Variants in NKAIN2 observed in about 807,000 individuals in gnomAD.
The protein encoded by NKAIN2 is sodium/potassium transporting ATPase interacting 2, also known as sodium/potassium-transporting ATPase subunit beta-1-interacting protein 2.
In NKAIN2, 14 loss-of-function variants were observed where a neutral mutation model predicts 32.6. The observed-to-expected ratio is 0.43, with a 90% confidence interval of 0.28 to 0.67. The LOEUF (loss-of-function observed/expected upper bound fraction) is 0.67, where lower values mean the gene tolerates loss of function less well. Ranked by LOEUF, NKAIN2 falls within the 30% of genes least tolerant of loss-of-function variation. The pLI is 0.17. For missense variants in NKAIN2, 198 were observed against 258.3 expected (o/e 0.77, Z 1.60); for synonymous variants, 80 against 87.2 (o/e 0.92, Z 0.46).
chr6:123,914,801 G>T (rs917777418), intron 1 of NKAIN2, among the ~76,000 whole-genome samples: 3 of 152,158 alleles, frequency 2.0e-5, no homozygotes, highest in Non-Finnish European at 4.4e-5. Flanking sequence ...GAACTTAAAA[G>T]ATTCACATTT....
At chr6:123,885,499 T>G (rs7744531) in intron 1 of NKAIN2, among the ~76,000 whole-genome samples, 100,257 of 152,004 alleles carry the variant, frequency 0.66, 34,378 homozygotes, top group African/African-American at 0.84. Context: ...TCCTTAAAAA[T>G]TTTTATATTG....
At chr6:124,175,860 CTT>C (rs1789129574) in intron 1 of NKAIN2, among the ~76,000 whole-genome samples, 2 of 152,146 alleles carry the variant, frequency 1.3e-5, no homozygotes, top group African/African-American at 4.8e-5. Flanking sequence ...ACATCTCTCT[CTT>C]GCCCTTTATT....
chr6:124,071,000 G>C (rs943483139), intron 1 of NKAIN2, among the ~76,000 whole-genome samples: 4 of 152,182 alleles, frequency 2.6e-5, no homozygotes, highest in African/African-American at 9.7e-5. Context: ...GCTGAGCACA[G>C]CCAGAATAGA....
At chr6:124,708,216 C>T (rs1045365370) in intron 4 of NKAIN2, among the ~76,000 whole-genome samples, 12 of 143,978 alleles carry the variant, frequency 8.3e-5, no homozygotes, top group South Asian at 2.3e-4. Context: ...TGTTTTGGTA[C>T]CAATACCATG....
intron 4 of NKAIN2, among the ~76,000 whole-genome samples, chr6:124,673,916 T>C (rs1773227157): frequency 6.6e-6 from 1 of 151,986 alleles, no homozygotes; most frequent in Admixed American, 6.6e-5. Context: ...TTGTGGTTGC[T>C]TGTGCTTTTT....
At chr6:124,270,405 A>T (rs1794703229) in intron 1 of NKAIN2, among the ~76,000 whole-genome samples, 2 of 152,092 alleles carry the variant, frequency 1.3e-5, no homozygotes, top group South Asian at 2.1e-4. Context: ...TGGAAACTTT[A>T]TCAGCTTTTC....
At chr6:123,838,528 G>T (rs546890698) in intron 1 of NKAIN2, among the ~76,000 whole-genome samples, 6 of 151,990 alleles carry the variant, frequency 3.9e-5, no homozygotes, top group Non-Finnish European at 8.8e-5. Flanking sequence ...TCTTAGGAAG[G>T]TTTTCGATTT....
chr6:124,287,154 A>C (rs912210539), intron 2 of NKAIN2, among the ~76,000 whole-genome samples: 24 of 152,140 alleles, frequency 1.6e-4, no homozygotes, highest in African/African-American at 5.8e-4. Flanking sequence ...AACTTGTGAT[A>C]TTTTCTGCTG....
intron 1 of NKAIN2, among the ~76,000 whole-genome samples, chr6:124,213,196 T>C (rs1473534731): frequency 1.3e-5 from 2 of 152,152 alleles, no homozygotes; most frequent in Non-Finnish European, 2.9e-5. Flanking sequence ...TTTTATGCCA[T>C]GTATCAGTTT....
intron 3 of NKAIN2, among the ~76,000 whole-genome samples, chr6:124,592,313 A>G (rs1781940628): frequency 6.6e-6 from 1 of 152,202 alleles, no homozygotes; most frequent in Non-Finnish European, 1.5e-5. Flanking sequence ...TGCACATAAT[A>G]TTTTCTTCAC....
chr6:124,571,246 A>G (rs1461421496), intron 3 of NKAIN2, among the ~76,000 whole-genome samples: 1 of 152,104 alleles, frequency 6.6e-6, no homozygotes, highest in African/African-American at 2.4e-5. Context: ...TGGACTGTGG[A>G]CTTTTGGGTT....
At chr6:124,397,645 A>T (rs78747559) in intron 3 of NKAIN2, among the ~76,000 whole-genome samples, 30 of 110,594 alleles carry the variant, frequency 2.7e-4, no homozygotes, top group Middle Eastern at 4.1e-3. Context: ...AAAAGAATTT[A>T]AAAAAAAACT....
intron 2 of NKAIN2, among the ~76,000 whole-genome samples, chr6:124,326,039 A>G (rs1797395141): frequency 6.6e-6 from 1 of 151,550 alleles, no homozygotes; most frequent in Non-Finnish European, 1.5e-5. Context: ...GTGTGTGTGT[A>G]TGTATATGAT....
At chr6:124,072,804 G>A (rs1465886343) in intron 1 of NKAIN2, among the ~76,000 whole-genome samples, 1 of 150,702 alleles carries the variant, frequency 6.6e-6, no homozygotes, top group Non-Finnish European at 1.5e-5. Flanking sequence ...GTGTACCCCT[G>A]TTGTTAACTC....
intron 1 of NKAIN2, among the ~76,000 whole-genome samples, chr6:124,255,111 A>G (rs944095332): frequency 1.3e-5 from 2 of 152,194 alleles, no homozygotes; most frequent in African/African-American, 2.4e-5. Flanking sequence ...ATAATTGCTC[A>G]GAACTCATTG....
chr6:124,370,620 G>T (rs1049368379), intron 3 of NKAIN2, among the ~76,000 whole-genome samples: 4 of 152,060 alleles, frequency 2.6e-5, no homozygotes, highest in Admixed American at 1.3e-4. Flanking sequence ...TAGGCATTTT[G>T]TAGCAAAATA....
chr6:124,807,912 C>T (rs1225690016), intron 5 of NKAIN2, among the ~76,000 whole-genome samples: 2 of 150,236 alleles, frequency 1.3e-5, no homozygotes, highest in Admixed American at 6.7e-5. Context: ...TCGACACATA[C>T]ACTCTCCCAA....
At chr6:124,524,102 T>G (rs369938035) in intron 3 of NKAIN2, among the ~76,000 whole-genome samples, 2 of 152,208 alleles carry the variant, frequency 1.3e-5, no homozygotes, top group African/African-American at 4.8e-5. Flanking sequence ...GTGGAAGAAC[T>G]GAGTCTGTCT....
intron 1 of NKAIN2, among the ~76,000 whole-genome samples, chr6:123,810,624 A>G (rs901277988): frequency 2.0e-5 from 3 of 151,974 alleles, no homozygotes; most frequent in African/African-American, 4.8e-5. Flanking sequence ...AAAATGTATT[A>G]TATGGAAAGA....
Sources: allele counts gnomAD v4.1 joint callset (sites outside exome capture counted in the v4.1 genomes callset), GRCh38; gene constraint gnomAD v4.1.1; transcripts MANE v1.5; gene names NCBI Gene and HGNC (gene_info 2026-07-23, HGNC 2026-07-21).